LRRC49: variants seen among roughly 807,000 people sequenced by gnomAD.
The protein encoded by LRRC49 is leucine rich repeat containing 49, also known as leucine-rich repeat-containing protein 49.
Under a neutral mutation model 83.3 loss-of-function variants are expected in LRRC49, and 50 were observed. The ratio of observed to expected loss-of-function variants is 0.60; its 90% CI spans 0.48 to 0.76. LRRC49 has a LOEUF of 0.76. Ranked by LOEUF, LRRC49 falls within the 30% of genes least tolerant of loss-of-function variation. The pLI, the probability that LRRC49 is intolerant of heterozygous loss-of-function variation, is 0.00. For synonymous variants in LRRC49, 286 were observed against 283.3 expected (o/e 1.01, Z -0.10); for missense variants, 704 against 809.1 (o/e 0.87, Z 1.58).
chr15:71,037,108 C>A, intron 14 of LRRC49, 71 bp from the exon 15 acceptor site: 1 of 1,089,498 alleles, frequency 9.2e-7, no homozygotes, highest in Non-Finnish European at 1.4e-6. Context: ...CCTCTAAAGT[C>A]AACAAAAAAT....
chr15:70,862,087 CA>C (rs1329309826), intron 1 of LRRC49, among the ~76,000 whole-genome samples: 1 of 152,124 alleles, frequency 6.6e-6, no homozygotes, highest in African/African-American at 2.4e-5. Context: ...AGAATTTACA[CA>C]AAGCTGGACC....
At chr15:70,989,956 A>G (rs2037796829) in intron 11 of LRRC49, among the ~76,000 whole-genome samples, 2 of 152,114 alleles carry the variant, frequency 1.3e-5, no homozygotes, top group South Asian at 4.2e-4. Flanking sequence ...GATTTTTGTG[A>G]ACCGCGAATG....
chr15:71,000,569 T>C (rs796191038), intron 11 of LRRC49, among the ~76,000 whole-genome samples: 13 of 152,324 alleles, frequency 8.5e-5, no homozygotes, highest in African/African-American at 2.9e-4. Flanking sequence ...CCCCTCTTCA[T>C]TATACCTTAA....
At chr15:71,022,989 T>C (rs550510291) in intron 14 of LRRC49, among the ~76,000 whole-genome samples, 1 of 152,292 alleles carries the variant, frequency 6.6e-6, no homozygotes, top group East Asian at 1.9e-4. Flanking sequence ...TTTAACCTGA[T>C]TACAAAATGA....
At chr15:70,977,725 A>G (rs1435438441) in intron 9 of LRRC49, among the ~76,000 whole-genome samples, 1 of 152,118 alleles carries the variant, frequency 6.6e-6, no homozygotes, top group Non-Finnish European at 1.5e-5. Context: ...TTACATTTCC[A>G]TTTCCATTTC....
chr15:70,873,796 A>T (rs2033099310), intron 2 of LRRC49, among the ~76,000 whole-genome samples: 1 of 152,212 alleles, frequency 6.6e-6, no homozygotes, highest in Non-Finnish European at 1.5e-5. Context: ...TATTACCTTT[A>T]CTAATGTCCT....
chr15:70,909,770 C>T (rs1013945580), intron 5 of LRRC49, among the ~76,000 whole-genome samples: 9 of 149,752 alleles, frequency 6.0e-5, no homozygotes, highest in Non-Finnish European at 1.0e-4. Flanking sequence ...ACCTGAGAGG[C>T]GGAGGTTGCA....
chr15:71,032,209 C>A (rs913632184), intron 14 of LRRC49, among the ~76,000 whole-genome samples: 1 of 152,188 alleles, frequency 6.6e-6, no homozygotes, highest in Admixed American at 6.5e-5. Context: ...CAGTCCCTCA[C>A]GGCTTCCCTT....
intron 9 of LRRC49, among the ~76,000 whole-genome samples, chr15:70,968,086 C>G (rs1375321755): frequency 6.6e-6 from 1 of 151,934 alleles, no homozygotes; most frequent in East Asian, 1.9e-4. Flanking sequence ...TTTGCTGCAC[C>G]TATCAACCCG....
chr15:70,858,367 C>T lies in LRRC49; in HGVS notation c.-299+4898C>T, dbSNP rs535677975. On this transcript the variant is annotated intron_variant, in intron 1 of 16. Transcript: ENST00000544974. The stretch of plus-strand genomic sequence containing the variant: ...CTGTAATCCCAGCACTTTTGGAGGC[C>T]GAGGCGGGCAAATCACTCGAGGTCA... Among the ~76,000 whole-genome samples the T allele has an allele frequency of 3.9e-5, 6 of 152,190 alleles. No individual in the cohort carries two copies. In the East Asian group the frequency reaches 9.7e-4, roughly 25 times the overall value.
chr15:71,018,279 G>A (rs925465130), intron 14 of LRRC49, among the ~76,000 whole-genome samples: 2 of 152,196 alleles, frequency 1.3e-5, no homozygotes, highest in Non-Finnish European at 2.9e-5. Flanking sequence ...GTAAGGTAGA[G>A]TAGTTGAAGA....
At chr15:70,960,386 C>T (rs2036563739) in intron 8 of LRRC49, among the ~76,000 whole-genome samples, 2 of 152,160 alleles carry the variant, frequency 1.3e-5, no homozygotes, top group Admixed American at 1.3e-4. Flanking sequence ...AGCCCAATAA[C>T]TCATGTATGT....
chr15:71,020,611 C>G (rs2038964954), intron 14 of LRRC49, among the ~76,000 whole-genome samples: 1 of 152,150 alleles, frequency 6.6e-6, no homozygotes, highest in South Asian at 2.1e-4. Context: ...TGGAGATCAA[C>G]AAATTGATTT....
intron 11 of LRRC49, 57 bp from the exon 12 acceptor site, chr15:71,008,322 A>G: frequency 1.0e-6 from 1 of 958,532 alleles, no homozygotes; most frequent in Non-Finnish European, 1.6e-6. Flanking sequence ...AGGTCATTAT[A>G]CTGTTAGGTA....
chr15:70,854,357 G>C (rs1034175125), intron 1 of LRRC49, among the ~76,000 whole-genome samples: 2 of 152,052 alleles, frequency 1.3e-5, no homozygotes, highest in Admixed American at 6.5e-5. Flanking sequence ...GGCCCGTCCC[G>C]GAAGGATCCC....
chr15:70,890,099 G>A (rs375626002), upstream of LRRC49, among the ~76,000 whole-genome samples: 193 of 152,228 alleles, frequency 1.3e-3, 3 homozygotes, highest in Admixed American at 4.8e-3. Flanking sequence ...GTTTCCCAAC[G>A]GTTAGTTTTT....
intron 11 of LRRC49, among the ~76,000 whole-genome samples, chr15:70,986,846 G>A (rs2037640748): frequency 6.6e-6 from 1 of 152,114 alleles, no homozygotes; most frequent in African/African-American, 2.4e-5. Flanking sequence ...TAGCATGAAG[G>A]GCTGTTGAAT....
chr15:70,907,357 C>T (rs1409535080), intron 5 of LRRC49: 1 of 152,244 alleles, frequency 6.6e-6, no homozygotes, highest in Non-Finnish European at 1.5e-5. Flanking sequence ...GATTTCTACT[C>T]TAAAGCTAAG....
At chr15:70,915,549 A>G (rs930179366) in intron 6 of LRRC49, among the ~76,000 whole-genome samples, 11 of 152,028 alleles carry the variant, frequency 7.2e-5, no homozygotes, top group Non-Finnish European at 1.3e-4. Flanking sequence ...CCATCTCTCC[A>G]TCTTATCTTT....
Sources: allele counts gnomAD v4.1 joint callset (sites outside exome capture counted in the v4.1 genomes callset), GRCh38; gene constraint gnomAD v4.1.1; transcripts MANE v1.5; gene names NCBI Gene and HGNC (gene_info 2026-07-23, HGNC 2026-07-21).